TNIK: variants seen among roughly 807,000 people sequenced by gnomAD.
TNIK encodes TRAF2 and NCK interacting kinase, also known as TRAF2 and NCK-interacting protein kinase.
A neutral mutation model predicts 191.3 loss-of-function variants in TNIK; 49 were observed. The ratio of observed to expected loss-of-function variants is 0.26; its 90% confidence interval spans 0.20 to 0.32. The LOEUF (loss-of-function observed/expected upper bound fraction) is 0.32. Ranked by LOEUF, TNIK falls within the 10% of genes least tolerant of loss-of-function variation. TNIK has a pLI of 1.00. For missense variants in TNIK, 1,155 were observed against 1,702.3 expected (o/e 0.68, Z 5.66); for synonymous variants, 594 against 600.9 (o/e 0.99, Z 0.17).
chr3:171,399,229 C>A (rs982126263), intron 1 of TNIK, among the ~76,000 whole-genome samples: 1 of 152,174 alleles, frequency 6.6e-6, no homozygotes, highest in African/African-American at 2.4e-5. Flanking sequence ...GCAGGACTTG[C>A]CATTTATGGA....
intron 2 of TNIK, among the ~76,000 whole-genome samples, chr3:171,314,429 G>A (rs1375792058): frequency 6.6e-6 from 1 of 152,134 alleles, no homozygotes; most frequent in Non-Finnish European, 1.5e-5. Context: ...AGAGCCTATG[G>A]CTGATCCAGA....
chr3:171,302,960 A>G (rs1361124481), intron 2 of TNIK, among the ~76,000 whole-genome samples: 2 of 152,186 alleles, frequency 1.3e-5, no homozygotes, highest in Non-Finnish European at 2.9e-5. Flanking sequence ...GTGTCTACGC[A>G]ATGCAAAATC....
chr3:171,456,713 T>C (rs1270581124), intron 1 of TNIK, among the ~76,000 whole-genome samples: 1 of 152,206 alleles, frequency 6.6e-6, no homozygotes, highest in Non-Finnish European at 1.5e-5. Flanking sequence ...GTTTCATGTA[T>C]CACAAGCTTA....
intron 2 of TNIK, among the ~76,000 whole-genome samples, chr3:171,319,719 A>C (rs1754988660): frequency 6.6e-6 from 1 of 152,194 alleles, no homozygotes; most frequent in African/African-American, 2.4e-5. Flanking sequence ...CAAGGCATTC[A>C]ACCAAAAGGA....
In TNIK at chr3:171,456,924, G is replaced by A. The variant is rs144653225; in HGVS notation, c.57+3083C>T. Among the ~76,000 whole-genome samples, 229 of 152,256 alleles carry A rather than the reference G, an allele frequency of 1.5e-3. 2 individuals are homozygous for A. The highest frequency in any genetic ancestry group is 0.013 in the South Asian group (65 of 4,824). On this transcript the variant is annotated intron_variant, in intron 1 of 32. Transcript: ENST00000436636. ...ATTATTTCCTCAAACCACGCTCCTC[G>A]CTGTCCCCTCCCCTTGTTACTGTGT...
chr3:171,146,959 A>G (rs1394958911), intron 12 of TNIK, among the ~76,000 whole-genome samples: 11 of 151,946 alleles, frequency 7.2e-5, no homozygotes. Context: ...AGTCACCTTC[A>G]GCTAAACTTT....
chr3:171,124,053 G>A (rs1327542419), intron 17 of TNIK, among the ~76,000 whole-genome samples: 1 of 152,140 alleles, frequency 6.6e-6, no homozygotes, highest in East Asian at 1.9e-4. Flanking sequence ...TTTCTTTAGG[G>A]TATCATTAAC....
At chr3:171,433,161 T>C (rs188750563) in intron 1 of TNIK, among the ~76,000 whole-genome samples, 125 of 151,676 alleles carry the variant, frequency 8.2e-4, no homozygotes, top group African/African-American at 2.6e-3. Context: ...TATATTCAAA[T>C]TGGATTTTTG....
At chr3:171,110,957 TACCCAAAATATGTAAGGA>T in intron 18 of TNIK, 80 bp from the exon 19 acceptor site, 2 of 1,363,516 alleles carry the variant, frequency 1.5e-6, no homozygotes, top group Non-Finnish European at 1.9e-6. Context: ...TAAGGTTTAA[TACCCAAAATATGTAAGGA>T]ACTCAAAACA....
rs551995849 is a variant in TNIK at position 171,268,321 on chromosome 3, G to GC, written c.124-40101dup. 1.8e-3 allele frequency among the ~76,000 whole-genome samples: 270 copies of GC among 152,032 alleles called. 2 individuals carry two copies. The highest frequency in any genetic ancestry group is 6.0e-3 in the African/African-American group (248 of 41,440). Reference sequence around the variant, plus strand: ...CTTTGCTATGTGATCATCTTCCTCAGCCCCCATCATCCCCCACGTAATATC... The same window carrying GC: ...CTTTGCTATGTGATCATCTTCCTCAGCCCCCCATCATCCCCCACGTAATATC... On this transcript the variant is annotated intron_variant, in intron 2 of 32. Transcript: ENST00000436636.
chr3:171,221,308 CT>C (rs1577162700), intron 3 of TNIK, among the ~76,000 whole-genome samples: 1 of 152,112 alleles, frequency 6.6e-6, no homozygotes, highest in African/African-American at 2.4e-5. Context: ...GGCAAAGGAG[CT>C]TCAGATGGGA....
At chr3:171,297,471 T>C (rs1021337496) in intron 2 of TNIK, among the ~76,000 whole-genome samples, 1 of 152,196 alleles carries the variant, frequency 6.6e-6, no homozygotes, top group Non-Finnish European at 1.5e-5. Flanking sequence ...ACTAACTTTA[T>C]TGGCAACTCC....
At chr3:171,332,537 C>T (rs374824050) in intron 2 of TNIK, among the ~76,000 whole-genome samples, 30 of 152,290 alleles carry the variant, frequency 2.0e-4, no homozygotes, top group African/African-American at 6.5e-4. Flanking sequence ...TCACACACCA[C>T]GGCACTTCCT....
chr3:171,406,115 G>A (rs576123064), intron 1 of TNIK, among the ~76,000 whole-genome samples: 1 of 152,156 alleles, frequency 6.6e-6, no homozygotes, highest in South Asian at 2.1e-4. Context: ...ACAAACACAT[G>A]TTGAGTTAAT....
At chr3:171,145,294 G>A (rs1353635367) in intron 12 of TNIK, among the ~76,000 whole-genome samples, 3 of 152,060 alleles carry the variant, frequency 2.0e-5, no homozygotes, top group Non-Finnish European at 4.4e-5. Context: ...CACCGTGTTA[G>A]CCAGGATGGT....
chr3:171,220,887 T>C (rs1452450514), intron 3 of TNIK, among the ~76,000 whole-genome samples: 1 of 152,196 alleles, frequency 6.6e-6, no homozygotes, highest in African/African-American at 2.4e-5. Flanking sequence ...ACTTAAGCAA[T>C]GTATCTAACA....
Position 171,101,362 on chromosome 3 carries a change from A to G in TNIK, c.2591+87T>C, listed in dbSNP as rs1723529418. The G allele has an allele frequency of 2.1e-6, 3 of 1,445,022 alleles. No individual in the cohort carries two copies. The Admixed American group carries it at 6.8e-5, about 33-fold the overall frequency. The allele number at this position is 1,445,022 out of a possible 1,614,324, so 89.5% of individuals were successfully genotyped here. On this transcript the variant is annotated intron_variant, in intron 22 of 32. Coordinates refer to ENST00000436636, the MANE Select transcript of TNIK (RefSeq NM_015028.4). ...TTATCTTGCCACAGACCCATATACA[A>G]TCTTACATTTAACTCATATTTTTTT... is the stretch of plus-strand genomic sequence containing the variant.
At chr3:171,097,641 C>T (rs1478988338) in intron 22 of TNIK, among the ~76,000 whole-genome samples, 8 of 152,204 alleles carry the variant, frequency 5.3e-5, no homozygotes, top group Non-Finnish European at 1.0e-4. Flanking sequence ...CCATGTAAGA[C>T]ATGCCTTTGC....
At position 171,303,745 on chromosome 3, in the gene TNIK, T is replaced by C. The variant is rs549348271; in HGVS notation, c.123+65875A>G. Among the ~76,000 whole-genome samples the C allele has an allele frequency of 3.2e-4, 48 of 152,270 alleles. No individual in the cohort carries two copies. The South Asian group carries it at 1.0e-2, about 32-fold the overall frequency. On this transcript the variant is annotated intron_variant, in intron 2 of 32. Transcript: ENST00000436636. ...ATTTCACTATTCTTCTAGGATCAAC[T>C]CTTCAAAAGCTACTAGGTATGAGTA...
Sources: allele counts gnomAD v4.1 joint callset (sites outside exome capture counted in the v4.1 genomes callset), GRCh38; gene constraint gnomAD v4.1.1; transcripts MANE v1.5; gene names NCBI Gene and HGNC (gene_info 2026-07-23, HGNC 2026-07-21).